The following PPM1L variants were observed in gnomAD, a reference collection of about 807,000 sequenced individuals.
The protein encoded by PPM1L is protein phosphatase, Mg2+/Mn2+ dependent 1L.
Under a neutral mutation model 31.4 loss-of-function variants are expected in PPM1L, and 13 were observed. The ratio of observed to expected loss-of-function variants is 0.41; its 90% CI spans 0.27 to 0.66. The LOEUF is 0.66. PPM1L is among the 30% of genes least tolerant of loss of function. PPM1L has a pLI of 0.29. For missense variants in PPM1L, 326 were observed against 453.7 expected (o/e 0.72, Z 2.56); for synonymous variants, 184 against 175.4 (o/e 1.05, Z -0.39).
chr3:160,988,061 C>G (rs532216475), intron 2 of PPM1L, among the ~76,000 whole-genome samples: 354 of 152,220 alleles, frequency 2.3e-3, no homozygotes, highest in African/African-American at 8.4e-3. Flanking sequence ...AGAGTAGACA[C>G]TGTCAAGAGT....
Position 161,040,501 on chromosome 3 carries a change from A to C in PPM1L, c.575-24902A>C, listed in dbSNP as rs145211995. Among the ~76,000 whole-genome samples, 410 of 152,352 alleles carry C rather than the reference A, an allele frequency of 2.7e-3. 2 individuals are homozygous for C. Among genetic ancestry groups the C allele is most frequent in the Middle Eastern group, 0.01 (3 of 294 alleles). ...TCCCTGACTCTACATAAAGTTAAAC[A>C]TGCGAACTGAAAATAGAATGAGAGA... On this transcript the variant is annotated intron_variant, in intron 2 of 3. Coordinates refer to ENST00000498165, the MANE Select transcript of PPM1L (RefSeq NM_139245.4).
intron 2 of PPM1L, among the ~76,000 whole-genome samples, chr3:160,966,566 T>C (rs1413792187): frequency 6.6e-6 from 1 of 152,178 alleles, no homozygotes; most frequent in Non-Finnish European, 1.5e-5. Context: ...TATTCTCTTA[T>C]GTTGGACATT....
chr3:161,015,704 A>G (rs1718064969), intron 2 of PPM1L, among the ~76,000 whole-genome samples: 1 of 152,160 alleles, frequency 6.6e-6, no homozygotes, highest in Non-Finnish European at 1.5e-5. Flanking sequence ...TTCTTTTACC[A>G]GGAATCAGTT....
At chr3:160,929,488 G>A (rs934637389) in intron 1 of PPM1L, among the ~76,000 whole-genome samples, 4 of 152,170 alleles carry the variant, frequency 2.6e-5, no homozygotes, top group Non-Finnish European at 4.4e-5. Flanking sequence ...GGAAAAGAGG[G>A]AGAGGAAAAG....
chr3:160,764,654 G>C (rs1715059906), intron 1 of PPM1L, among the ~76,000 whole-genome samples: 1 of 152,066 alleles, frequency 6.6e-6, no homozygotes, highest in South Asian at 2.1e-4. Context: ...TTTTAATAGA[G>C]ATGGGGTTTC....
chr3:160,885,615 A>G (rs913976838), intron 1 of PPM1L, among the ~76,000 whole-genome samples: 6 of 152,236 alleles, frequency 3.9e-5, no homozygotes, highest in Non-Finnish European at 8.8e-5. Context: ...CCTGAGAGCC[A>G]CACGGGGCAG....
chr3:160,885,459 TG>T (rs1235674685), intron 1 of PPM1L, among the ~76,000 whole-genome samples: 1 of 152,152 alleles, frequency 6.6e-6, no homozygotes, highest in Non-Finnish European at 1.5e-5. Flanking sequence ...CAGTGGTGAT[TG>T]GAGACTCCCA....
At chr3:160,973,614 C>CTTTGGGTGAGAGTCA (rs1716428973) in intron 2 of PPM1L, among the ~76,000 whole-genome samples, 3 of 152,148 alleles carry the variant, frequency 2.0e-5, no homozygotes, top group African/African-American at 7.2e-5. Context: ...AGGTAAAATG[C>CTTTGGGTGAGAGTCA]ATCCTTGGTT....
At chr3:161,033,967 AT>A (rs1718657365) in intron 2 of PPM1L, among the ~76,000 whole-genome samples, 1 of 152,246 alleles carries the variant, frequency 6.6e-6, no homozygotes, top group South Asian at 2.1e-4. Context: ...AATATCCAGA[AT>A]CTGCAAGGAA....
chr3:160,948,979 G>A (rs13079792), intron 1 of PPM1L, among the ~76,000 whole-genome samples: 128,228 of 152,088 alleles, frequency 0.84, 54,324 homozygotes, highest in Middle Eastern at 0.92. Context: ...GTTAAAATAC[G>A]GCAAACATTT....
Position 160,756,585 on chromosome 3 carries a change from G to A in PPM1L, c.277G>A (p.Val93Met). 1.9e-6 allele frequency: 3 copies of A among 1,614,146 alleles called. No individual in the cohort carries two copies. In the South Asian group the frequency reaches 3.3e-5, roughly 18 times the overall value. Residue 93 changes from valine to methionine, a missense_variant, in exon 1 of 4, where the codon GTG becomes ATG. Physicochemically the swap from Val to Met is conservative, Grantham distance 21. Coordinates refer to ENST00000498165, the MANE Select transcript of PPM1L (RefSeq NM_139245.4). The surrounding 1 kb of genome is among the most constrained non-coding windows in gnomAD (Gnocchi z 6.2). ...GACCTGGGAGTTCAAGAACCACAAC[G>A]TGGCGGTGTACTCCATCCAGGGCCG... is the stretch of plus-strand genomic sequence containing the variant. ...SKTWEFKNHN[V>M]AVYSIQGRRD... is the part of the protein sequence containing the mutation.
intron 1 of PPM1L, among the ~76,000 whole-genome samples, chr3:160,956,611 A>G (rs912105537): frequency 2.0e-5 from 3 of 152,252 alleles, no homozygotes; most frequent in Non-Finnish European, 4.4e-5. Flanking sequence ...TCAAATGATT[A>G]TGGAGAGGAA....
chr3:161,023,254 A>G (rs1424663497), intron 2 of PPM1L, among the ~76,000 whole-genome samples: 3 of 151,108 alleles, frequency 2.0e-5, no homozygotes, highest in Non-Finnish European at 4.4e-5. Context: ...AGGTTCTAGG[A>G]TGTATAGATT....
In PPM1L at chr3:160,808,289, C is replaced by CTGTGTGTGTG. The variant is rs10545216; in HGVS notation, c.399+51605_399+51614dup. 8.8e-4 allele frequency among the ~76,000 whole-genome samples: 120 copies of CTGTGTGTGTG among 136,186 alleles called. 2 individuals are homozygous for CTGTGTGTGTG. Among genetic ancestry groups the CTGTGTGTGTG allele is most frequent in the African/African-American group, 3.3e-3 (113 of 33,932 alleles). The allele number at this position is 136,186 out of a possible 152,430, so 89.3% of individuals were successfully genotyped here. A position where few individuals can be genotyped will look rare whatever the true frequency, so the allele number is the denominator to read the frequency against. On this transcript the variant is annotated intron_variant, in intron 1 of 3. Coordinates refer to ENST00000498165, the MANE Select transcript of PPM1L (RefSeq NM_139245.4). The stretch of plus-strand genomic sequence containing the variant: ...AACTGCCCTTTGCCAGGATTTTCCT[C>CTGTGTGTGTG]TGTGTGTGTGTGTGTGTGTGTGTGT...
At chr3:160,786,266 G>A (rs1419996204) in intron 1 of PPM1L, among the ~76,000 whole-genome samples, 4 of 137,188 alleles carry the variant, frequency 2.9e-5, no homozygotes, top group Non-Finnish European at 6.1e-5. Flanking sequence ...TGCCCAGGCT[G>A]GAGTGCAGAG....
At chr3:160,829,229 C>G (rs1713442824) in intron 1 of PPM1L, among the ~76,000 whole-genome samples, 1 of 147,242 alleles carries the variant, frequency 6.8e-6, no homozygotes, top group African/African-American at 2.6e-5. Context: ...AAACTCCACC[C>G]TTGATAAAAA....
intron 1 of PPM1L, among the ~76,000 whole-genome samples, chr3:160,879,797 C>G (rs990945321): frequency 2.0e-5 from 3 of 152,134 alleles, no homozygotes; most frequent in Admixed American, 6.5e-5. Flanking sequence ...ATTTGGATTT[C>G]TAATAAGTTT....
chr3:160,891,968 G>A (rs1156893225), intron 1 of PPM1L, among the ~76,000 whole-genome samples: 2 of 152,142 alleles, frequency 1.3e-5, no homozygotes, highest in Non-Finnish European at 2.9e-5. Context: ...GACACAGGGA[G>A]GGGAACATCA....
At chr3:160,958,772 G>A (rs1715861001) in intron 1 of PPM1L, among the ~76,000 whole-genome samples, 1 of 152,140 alleles carries the variant, frequency 6.6e-6, no homozygotes, top group Non-Finnish European at 1.5e-5. Context: ...GAACTAAAAC[G>A]TGTTGTGTTA....
Sources: gnomAD v4.1 joint callset for allele counts (sites outside exome capture counted in the v4.1 genomes callset) on GRCh38, gnomAD v4.1.1 for gene constraint, Gnocchi (gnomAD v3.1) non-coding constraint, MANE v1.5 for transcripts, NCBI Gene and HGNC (gene_info 2026-07-23, HGNC 2026-07-21) for gene names.